The following ADGRL2 variants were observed in gnomAD, a reference collection of about 807,000 sequenced individuals.
ADGRL2 encodes the protein calcium-independent alpha-latrotoxin receptor 2.
A neutral mutation model predicts 157.4 loss-of-function variants in ADGRL2; 44 were observed. The ratio of observed to expected loss-of-function variants is 0.28; its 90% confidence interval spans 0.22 to 0.36. ADGRL2 has a LOEUF of 0.36. Ranked by LOEUF, ADGRL2 falls within the 10% of genes least tolerant of loss-of-function variation. The pLI, the probability that ADGRL2 is intolerant of heterozygous loss-of-function variation, is 1.00. For missense variants in ADGRL2, 1,510 were observed against 1,768.9 expected (o/e 0.85, Z 2.63); for synonymous variants, 585 against 624.7 (o/e 0.94, Z 0.95).
At chr1:81,866,737 G>A (rs2093554115) in intron 2 of ADGRL2, among the ~76,000 whole-genome samples, 1 of 152,072 alleles carries the variant, frequency 6.6e-6, no homozygotes, top group South Asian at 2.1e-4. Context: ...CTTGCAAAAT[G>A]CAAGATAATC....
At chr1:81,429,996 C>T (rs1047207775) in intron 1 of ADGRL2, among the ~76,000 whole-genome samples, 5 of 152,124 alleles carry the variant, frequency 3.3e-5, no homozygotes, top group African/African-American at 7.2e-5. Context: ...TGGGTTCAAG[C>T]GATTCTCCTG....
chr1:81,984,741 T>TATAGAAAGATTTATAGAA, intron 20 of ADGRL2, 30 bp downstream of exon 20: 1 of 1,609,264 alleles, frequency 6.2e-7, no homozygotes, highest in Non-Finnish European at 8.5e-7. Context: ...CATCTTTAAT[T>TATAGAAAGATTTATAGAA]AACCTTATTT....
At chr1:81,546,156 T>C (rs1342296163) in intron 2 of ADGRL2, among the ~76,000 whole-genome samples, 1 of 152,228 alleles carries the variant, frequency 6.6e-6, no homozygotes, top group Admixed American at 6.5e-5. Context: ...AAGAAAACTC[T>C]AAAGCTTAAG....
chr1:81,740,906 A>T (rs1187737313), intron 1 of ADGRL2, among the ~76,000 whole-genome samples: 9 of 152,302 alleles, frequency 5.9e-5, no homozygotes, highest in Non-Finnish European at 1.3e-4. Flanking sequence ...GAGTGTGGAA[A>T]AGCAGAGTGA....
chr1:81,988,459 G>A (rs990518681), intron 23 of ADGRL2: 2 of 143,906 alleles, frequency 1.4e-5, no homozygotes, highest in Admixed American at 7.1e-5. Flanking sequence ...CTTTAAGTGC[G>A]AAATGGTTTT....
chr1:81,326,422 A>G (rs1184802225), intron 1 of ADGRL2, among the ~76,000 whole-genome samples: 2 of 152,188 alleles, frequency 1.3e-5, no homozygotes, highest in Non-Finnish European at 2.9e-5. Context: ...GGTCTCAGTA[A>G]TAAGTGCTCT....
At chr1:81,447,040 C>T (rs1158447642) in intron 2 of ADGRL2, among the ~76,000 whole-genome samples, 1 of 151,954 alleles carries the variant, frequency 6.6e-6, no homozygotes, top group Non-Finnish European at 1.5e-5. Flanking sequence ...TTAGAACTAA[C>T]CATACTATTA....
At chr1:81,929,881 A>T (rs542364286) in intron 3 of ADGRL2, among the ~76,000 whole-genome samples, 86 of 152,308 alleles carry the variant, frequency 5.6e-4, no homozygotes, top group Admixed American at 9.8e-4. Flanking sequence ...TATTGTGCAG[A>T]GAGTTGCCTG....
chr1:81,693,671 T>C (rs2083387110), intron 3 of ADGRL2, among the ~76,000 whole-genome samples: 1 of 152,204 alleles, frequency 6.6e-6, no homozygotes, highest in Admixed American at 6.5e-5. Flanking sequence ...CTCATTTATT[T>C]GTCAAAAATG....
At chr1:81,714,780 T>C (rs935237353) in intron 1 of ADGRL2, among the ~76,000 whole-genome samples, 3 of 151,996 alleles carry the variant, frequency 2.0e-5, no homozygotes, top group African/African-American at 7.2e-5. Context: ...AACAATAACT[T>C]GAGACAGTTT....
rs1308477814 is a variant in ADGRL2 at position 81,492,278 on chromosome 1, G to C, written c.-248+47189G>C. ...AATGAAAAAGAAGAAGAAAAGCAAA[G>C]GGTAAATCTTGAACACACAAAAGAG... On this transcript the variant is annotated intron_variant, in intron 2 of 24. Coordinates refer to the ADGRL2 transcript ENST00000370721. Among the ~76,000 whole-genome samples, 5 of 152,230 alleles carry C rather than the reference G, an allele frequency of 3.3e-5. No individual in the cohort carries two copies. In the South Asian group the frequency reaches 1.0e-3, roughly 32 times the overall value.
intron 1 of ADGRL2, among the ~76,000 whole-genome samples, chr1:81,711,705 C>T (rs1054402812): frequency 6.6e-6 from 1 of 152,072 alleles, no homozygotes; most frequent in African/African-American, 2.4e-5. Context: ...CAGTTTTATA[C>T]ACCAGTGCTT....
At chr1:81,613,377 G>T (rs1463687777) in intron 3 of ADGRL2, among the ~76,000 whole-genome samples, 1 of 152,192 alleles carries the variant, frequency 6.6e-6, no homozygotes, top group African/African-American at 2.4e-5. Context: ...CTCAGGAGTG[G>T]GATGTTTCTG....
At chr1:81,359,671 C>T (rs1330215695) in intron 1 of ADGRL2, among the ~76,000 whole-genome samples, 3 of 151,950 alleles carry the variant, frequency 2.0e-5, no homozygotes, top group East Asian at 3.9e-4. Context: ...TAACTACACA[C>T]TTGTCATCTC....
chr1:81,658,252 C>T (rs538553580), intron 3 of ADGRL2, among the ~76,000 whole-genome samples: 6 of 152,050 alleles, frequency 3.9e-5, no homozygotes, highest in African/African-American at 7.2e-5. Context: ...CGTGCCACCG[C>T]GCTCAGCTAA....
chr1:81,870,022 A>G (rs1390514895), intron 2 of ADGRL2, among the ~76,000 whole-genome samples: 1 of 141,574 alleles, frequency 7.1e-6, no homozygotes, highest in Non-Finnish European at 1.6e-5. Context: ...CAAAACAACA[A>G]TAACAAAATA....
chr1:81,424,496 T>C (rs1175711772), intron 1 of ADGRL2, among the ~76,000 whole-genome samples: 1 of 152,248 alleles, frequency 6.6e-6, no homozygotes, highest in Non-Finnish European at 1.5e-5. Flanking sequence ...GTTTTTGTCT[T>C]GCGTGAATAC....
chr1:81,894,407 A>G (rs538416236), intron 2 of ADGRL2, among the ~76,000 whole-genome samples: 3 of 152,316 alleles, frequency 2.0e-5, no homozygotes, highest in African/African-American at 7.2e-5. Flanking sequence ...GAAAAGTAAT[A>G]GCACAATAGT....
chr1:81,503,936 C>T (rs1346866286), intron 2 of ADGRL2, among the ~76,000 whole-genome samples: 1 of 152,232 alleles, frequency 6.6e-6, no homozygotes, highest in Non-Finnish European at 1.5e-5. Flanking sequence ...CAAGAGCATG[C>T]CTTCATGCCC....
Sources: gnomAD v4.1 joint callset for allele counts (sites outside exome capture counted in the v4.1 genomes callset) on GRCh38, gnomAD v4.1.1 for gene constraint, MANE v1.5 for transcripts, NCBI Gene and HGNC (gene_info 2026-07-23, HGNC 2026-07-21) for gene names.